Variants in RNF150 observed in about 807,000 individuals in gnomAD.
RNF150 encodes the protein ring finger protein 150.
Under a neutral mutation model 39.3 loss-of-function variants are expected in RNF150, and 24 were observed. The observed-to-expected ratio is 0.61, with a 90% CI of 0.44 to 0.86. RNF150 has a LOEUF of 0.86. Ranked by LOEUF, RNF150 falls within the 40% of genes least tolerant of loss-of-function variation. The pLI is 0.00. For missense variants in RNF150, 502 were observed against 587.8 expected (o/e 0.85, Z 1.51); for synonymous variants, 255 against 227.3 (o/e 1.12, Z -1.10).
chr4:141,167,140 T>C (rs1347385881), intron 1 of RNF150, among the ~76,000 whole-genome samples: 1 of 152,060 alleles, frequency 6.6e-6, no homozygotes, highest in African/African-American at 2.4e-5. Context: ...AGCATTCATA[T>C]AGAGCAATAA....
At chr4:141,074,338 A>ATTCTGACC (rs1013672308) in intron 1 of RNF150, among the ~76,000 whole-genome samples, 1 of 151,454 alleles carries the variant, frequency 6.6e-6, no homozygotes, top group African/African-American at 2.4e-5. Context: ...ATAAAGGGGA[A>ATTCTGACC]TTCTGACCAC....
intron 1 of RNF150, among the ~76,000 whole-genome samples, chr4:141,169,963 G>A (rs1188365809): frequency 6.6e-6 from 1 of 151,988 alleles, no homozygotes; most frequent in East Asian, 1.9e-4. Flanking sequence ...GAAAAATATA[G>A]GAAATGGATG....
chr4:141,164,231 A>C (rs923576388), intron 1 of RNF150, among the ~76,000 whole-genome samples: 1 of 151,954 alleles, frequency 6.6e-6, no homozygotes, highest in Non-Finnish European at 1.5e-5. Flanking sequence ...TAATGAAAAA[A>C]AAACATGAAG....
At chr4:141,141,516 A>G (rs1727116603) in intron 1 of RNF150, among the ~76,000 whole-genome samples, 1 of 152,224 alleles carries the variant, frequency 6.6e-6, no homozygotes, top group Non-Finnish European at 1.5e-5. Flanking sequence ...GAGCTTATTA[A>G]GAATAAGATT....
Position 141,078,278 on chromosome 4 carries a change from A to G in RNF150, c.484+54047T>C, listed in dbSNP as rs1320693969. On this transcript the variant is annotated intron_variant, in intron 1 of 6. Coordinates refer to ENST00000515673, the MANE Select transcript of RNF150 (RefSeq NM_020724.2). ...TAGGCCAACAGGGACTTCAATGAATAAAAGCAACTGCAATCCTTTTTCTCT... is the reference window on the plus strand; with the variant it reads ...TAGGCCAACAGGGACTTCAATGAATGAAAGCAACTGCAATCCTTTTTCTCT... 2.9e-4 allele frequency among the ~76,000 whole-genome samples: 44 copies of G among 152,138 alleles called. 1 individual carries two copies. Among genetic ancestry groups the G allele is most frequent in the Admixed American group, 2.8e-3 (43 of 15,272 alleles).
rs1342827059 is a variant in RNF150 at position 141,132,242 on chromosome 4, G to A, written c.484+83C>T. 1.5e-5 allele frequency: 21 copies of A among 1,417,004 alleles called. No homozygotes were observed. The highest frequency in any genetic ancestry group is 2.2e-5 in the Admixed American group (1 of 44,974). The allele number at this position is 1,417,004 out of a possible 1,614,324, so 87.8% of individuals were successfully genotyped here. A position where few individuals can be genotyped will look rare whatever the true frequency, so the allele number is the denominator to read the frequency against. On this transcript the variant is annotated intron_variant, in intron 1 of 6. Coordinates refer to ENST00000515673, the MANE Select transcript of RNF150 (RefSeq NM_020724.2). This position sits in a 1 kb window ranked among gnomAD's most constrained non-coding sequence, Gnocchi z 4.9. Reference sequence around the variant, plus strand: ...TCCGCGCCGCACGGACTTCCCAGAAGGAGCCTGGAGGCAGGCGCTGGATCC... The same window carrying A: ...TCCGCGCCGCACGGACTTCCCAGAAAGAGCCTGGAGGCAGGCGCTGGATCC...
intron 1 of RNF150, among the ~76,000 whole-genome samples, chr4:141,032,858 G>GCAATGTA: frequency 6.6e-6 from 1 of 152,236 alleles, no homozygotes; most frequent in East Asian, 1.9e-4. Context: ...GTCTAAAAAA[G>GCAATGTA]CAATGTACAT....
intron 1 of RNF150, among the ~76,000 whole-genome samples, chr4:141,088,852 T>G (rs1472528502): frequency 1.3e-5 from 2 of 152,156 alleles, no homozygotes; most frequent in Non-Finnish European, 2.9e-5. Context: ...ACCACAGTTT[T>G]CACCTTCCGG....
At chr4:141,104,006 A>C (rs1739110139) in intron 1 of RNF150, among the ~76,000 whole-genome samples, 1 of 152,228 alleles carries the variant, frequency 6.6e-6, no homozygotes, top group Admixed American at 6.5e-5. Context: ...ATATTTATTA[A>C]GGTTTTGCAA....
chr4:140,987,435 T>C (rs1438230538), intron 1 of RNF150, among the ~76,000 whole-genome samples: 2 of 151,790 alleles, frequency 1.3e-5, no homozygotes, highest in African/African-American at 4.8e-5. Context: ...ACCAATAGAA[T>C]AAAATAGAGA....
chr4:141,093,226 C>G (rs1194459301), intron 1 of RNF150, among the ~76,000 whole-genome samples: 2 of 152,030 alleles, frequency 1.3e-5, no homozygotes, highest in Admixed American at 6.5e-5. Flanking sequence ...ATTGGCCGGG[C>G]ATGGTGGCAG....
At chr4:140,890,753 A>G (rs11931560) in intron 6 of RNF150, among the ~76,000 whole-genome samples, 2,458 of 152,340 alleles carry the variant, frequency 0.016, 73 homozygotes, top group African/African-American at 0.054. Context: ...CACCAGGTCT[A>G]TGTTATTTGA....
intron 6 of RNF150, among the ~76,000 whole-genome samples, chr4:140,890,238 C>T (rs1729712591): frequency 6.6e-6 from 1 of 152,156 alleles, no homozygotes; most frequent in South Asian, 2.1e-4. Context: ...CTGCAATTTA[C>T]TTATTTTTCC....
At chr4:140,890,034 T>C (rs1729704895) in intron 6 of RNF150, among the ~76,000 whole-genome samples, 2 of 152,158 alleles carry the variant, frequency 1.3e-5, no homozygotes, top group African/African-American at 2.4e-5. Flanking sequence ...ATTAGCTCCT[T>C]TTGTGTCTCA....
chr4:141,187,749 A>G (rs1031437911), intron 1 of RNF150, among the ~76,000 whole-genome samples: 3 of 152,146 alleles, frequency 2.0e-5, no homozygotes, highest in Non-Finnish European at 2.9e-5. Flanking sequence ...GTGTCTTTGC[A>G]TGTGAGATGG....
At chr4:140,986,299 A>G (rs1734013436) in intron 1 of RNF150, among the ~76,000 whole-genome samples, 1 of 151,972 alleles carries the variant, frequency 6.6e-6, no homozygotes, top group African/African-American at 2.4e-5. Flanking sequence ...TACACAATCT[A>G]CTCTGATATC....
At chr4:140,980,667 T>A (rs2111455848) in intron 1 of RNF150, among the ~76,000 whole-genome samples, 1 of 152,204 alleles carries the variant, frequency 6.6e-6, no homozygotes, top group South Asian at 2.1e-4. Flanking sequence ...TAAAGGGGCT[T>A]CCCCCTTTGC....
intron 4 of RNF150, among the ~76,000 whole-genome samples, chr4:140,928,368 C>T (rs141589544): frequency 1.2e-3 from 171 of 144,968 alleles, no homozygotes; most frequent in African/African-American, 4.1e-3. Context: ...TCATGGTTTA[C>T]ATAGAGGGGA....
intron 1 of RNF150, among the ~76,000 whole-genome samples, chr4:141,159,031 C>G (rs1013627949): frequency 2.6e-5 from 4 of 152,192 alleles, no homozygotes; most frequent in African/African-American, 7.2e-5. Context: ...CCAAGCCAAT[C>G]TGGAAAATGC....
Sources: gnomAD v4.1 joint callset for allele counts (sites outside exome capture counted in the v4.1 genomes callset) on GRCh38, gnomAD v4.1.1 for gene constraint, Gnocchi (gnomAD v3.1) non-coding constraint, MANE v1.5 for transcripts, NCBI Gene and HGNC (gene_info 2026-07-23, HGNC 2026-07-21) for gene names.